CRYL1: variants seen among roughly 807,000 people sequenced by gnomAD.
CRYL1 encodes the protein lambda-crystallin homolog.
A neutral mutation model predicts 36.6 loss-of-function variants in CRYL1; 29 were observed. That is an observed-to-expected ratio of 0.79 (90% CI 0.59 to 1.08). CRYL1 has a LOEUF of 1.08. Ranked by LOEUF, CRYL1 falls within the 50% of genes least tolerant of loss-of-function variation. The probability of loss-of-function intolerance (pLI) is 0.00; values close to 1 mark genes in which losing one functional copy is unlikely to be tolerated. For missense variants in CRYL1, 411 were observed against 407.9 expected (o/e 1.01, Z -0.06); for synonymous variants, 152 against 151.5 (o/e 1.00, Z -0.02).
At chr13:20,457,594 A>G in intron 3 of CRYL1, among the ~76,000 whole-genome samples, 1 of 152,246 alleles carries the variant, frequency 6.6e-6, no homozygotes. Flanking sequence ...AGAAGTGTTT[A>G]CTTTTATCTC....
At chr13:20,416,993 C>A (rs1275424827) in intron 5 of CRYL1, among the ~76,000 whole-genome samples, 3 of 152,220 alleles carry the variant, frequency 2.0e-5, no homozygotes, top group African/African-American at 7.2e-5. Flanking sequence ...ACTTTCCCTT[C>A]CTCACTGCTT....
intron 3 of CRYL1, among the ~76,000 whole-genome samples, chr13:20,471,834 T>C (rs531742394): frequency 6.6e-6 from 1 of 152,094 alleles, no homozygotes; most frequent in East Asian, 1.9e-4. Context: ...TCTCTCTCTT[T>C]TTCTCTCTCT....
At chr13:20,431,191 C>A (rs2032049802) in intron 5 of CRYL1, 1 of 985,308 alleles carries the variant, frequency 1.0e-6, no homozygotes, top group Non-Finnish European at 1.2e-6. Context: ...CTCAAGGAAG[C>A]TGGGGCACAG....
Position 20,525,398 on chromosome 13 carries a change from A to C in CRYL1, c.41+356T>G, listed in dbSNP as rs146892164. ...ATCGCAGCCAGAATTCGTTTCATTC[A>C]ACACGGTGCCTGGCACTTCTATGTG... On this transcript the variant is annotated intron_variant, in intron 1 of 7. Coordinates refer to ENST00000298248, the MANE Select transcript of CRYL1 (RefSeq NM_015974.3). This position sits in a 1 kb window ranked among gnomAD's most constrained non-coding sequence, Gnocchi z 4.3. Among the ~76,000 whole-genome samples the C allele has an allele frequency of 1.6e-3, 250 of 152,310 alleles. 1 individual carries two copies. Among genetic ancestry groups the C allele is most frequent in the African/African-American group, 5.6e-3 (234 of 41,568 alleles).
chr13:20,485,963 G>T (rs2033390701), intron 3 of CRYL1, among the ~76,000 whole-genome samples: 1 of 151,966 alleles, frequency 6.6e-6, no homozygotes, highest in South Asian at 2.1e-4. Flanking sequence ...CAGTTGCCCA[G>T]GCTGGAGTGC....
At chr13:20,511,312 G>C (rs578074776) in intron 2 of CRYL1, among the ~76,000 whole-genome samples, 1 of 151,972 alleles carries the variant, frequency 6.6e-6, no homozygotes, top group East Asian at 1.9e-4. Context: ...CACTGGTCTT[G>C]AACTCCTGGC....
chr13:20,454,312 C>T (rs1430269455), intron 3 of CRYL1, among the ~76,000 whole-genome samples: 1 of 151,556 alleles, frequency 6.6e-6, no homozygotes, highest in Non-Finnish European at 1.5e-5. Context: ...TAAAATCAAT[C>T]AATGTCATTC....
At chr13:20,475,211 C>A (rs2033142352) in intron 3 of CRYL1, among the ~76,000 whole-genome samples, 3 of 152,146 alleles carry the variant, frequency 2.0e-5, no homozygotes, top group South Asian at 4.1e-4. Context: ...GAGGGCCTCC[C>A]CGCATTCCCA....
chr13:20,508,854 AAAAAAAAAAAAAAAAAAAAAAC>A (rs1272105848), intron 2 of CRYL1, among the ~76,000 whole-genome samples: 3 of 14,530 alleles, frequency 2.1e-4, no homozygotes, highest in South Asian at 0.023. Flanking sequence ...ACTCCAAAAA[AAAAAAAAAAAAAAAAAAAAAAC>A]AAAAAAAAAA....
intron 1 of CRYL1, among the ~76,000 whole-genome samples, chr13:20,518,744 G>A (rs1261498963): frequency 1.3e-5 from 2 of 152,134 alleles, no homozygotes; most frequent in Non-Finnish European, 2.9e-5. Context: ...GATGGGAGGC[G>A]GGACCAGGAC....
At chr13:20,483,473 T>C (rs2033321467) in intron 3 of CRYL1, among the ~76,000 whole-genome samples, 1 of 152,048 alleles carries the variant, frequency 6.6e-6, no homozygotes, top group South Asian at 2.1e-4. Flanking sequence ...GTCAGCTTTC[T>C]CACTTGGACT....
At chr13:20,446,456 T>C (rs915748280) in intron 3 of CRYL1, among the ~76,000 whole-genome samples, 3 of 152,052 alleles carry the variant, frequency 2.0e-5, no homozygotes, top group African/African-American at 7.2e-5. Context: ...CATAGCTGGG[T>C]AAAAAAAGGA....
rs187629434 is a variant in CRYL1 at position 20,456,494 on chromosome 13, A to G, written c.277-16740T>C. 4.0e-4 allele frequency among the ~76,000 whole-genome samples: 60 copies of G among 151,068 alleles called. 2 individuals are homozygous for G. The East Asian group carries it at 0.011, about 28-fold the overall frequency. On this transcript the variant is annotated intron_variant, in intron 3 of 7. Transcript: ENST00000298248. ...CGTCTCAAAACAAAAAAAAAAAAAA[A>G]AAGAAAAGAAAAGAAGAGAGGCGAG...
At chr13:20,461,440 G>T (rs1190489622) in intron 3 of CRYL1, among the ~76,000 whole-genome samples, 2 of 152,144 alleles carry the variant, frequency 1.3e-5, no homozygotes, top group East Asian at 3.8e-4. Context: ...ATCCATCTGT[G>T]TTTACTTTTT....
intron 3 of CRYL1, among the ~76,000 whole-genome samples, chr13:20,465,870 C>T (rs1393659255): frequency 6.7e-6 from 1 of 150,050 alleles, no homozygotes; most frequent in Non-Finnish European, 1.5e-5. Context: ...GTGGATCCCA[C>T]ATAAATAAAT....
intron 1 of CRYL1, among the ~76,000 whole-genome samples, chr13:20,523,142 C>A (rs974071805): frequency 6.6e-6 from 1 of 152,120 alleles, no homozygotes; most frequent in Non-Finnish European, 1.5e-5. Context: ...GTCTCGAACC[C>A]CTGACCTCAG....
chr13:20,427,579 C>G (rs1282092985), intron 5 of CRYL1, among the ~76,000 whole-genome samples: 4 of 151,964 alleles, frequency 2.6e-5, no homozygotes, highest in African/African-American at 9.7e-5. Context: ...TCCACAAACC[C>G]CCACAGTGAG....
At position 20,514,305 on chromosome 13, in the gene CRYL1, T is replaced by C. The variant is rs1204028572; in HGVS notation, c.42-1755A>G. On this transcript the variant is annotated intron_variant, in intron 1 of 7. Transcript: ENST00000298248. ...ACAGTGGTAACTCACATTGAGAGTA[T>C]GCACTCTTGATATAAGACAAAGTGA... Among the ~76,000 whole-genome samples the C allele has an allele frequency of 2.0e-5, 3 of 152,336 alleles. No individual in the cohort carries two copies. In the East Asian group the frequency reaches 5.8e-4, roughly 29 times the overall value.
At chr13:20,511,440 G>C (rs988192660) in intron 2 of CRYL1, among the ~76,000 whole-genome samples, 2 of 152,054 alleles carry the variant, frequency 1.3e-5, no homozygotes, top group Admixed American at 6.6e-5. Context: ...TTGACTATTT[G>C]TAACAACATG....
Sources: gnomAD v4.1 joint callset for allele counts (sites outside exome capture counted in the v4.1 genomes callset) on GRCh38, gnomAD v4.1.1 for gene constraint, Gnocchi (gnomAD v3.1) non-coding constraint, MANE v1.5 for transcripts, NCBI Gene and HGNC (gene_info 2026-07-23, HGNC 2026-07-21) for gene names.